The following PCDHGA5 variants were observed in gnomAD, a reference collection of about 807,000 sequenced individuals.
The protein encoded by PCDHGA5 is protocadherin gamma subfamily A, 5, also known as protocadherin gamma-A5.
Under a neutral mutation model 56.7 loss-of-function variants are expected in PCDHGA5, and 36 were observed. That is an observed-to-expected ratio of 0.64 (90% confidence interval 0.49 to 0.84). The LOEUF (loss-of-function observed/expected upper bound fraction) is 0.84. Among genes scored for constraint, PCDHGA5 ranks in the 40% least tolerant of loss-of-function variants. The pLI is 0.00. For synonymous variants in PCDHGA5, 563 were observed against 520.2 expected (o/e 1.08, Z -1.12); for missense variants, 1,305 against 1,201.5 (o/e 1.09, Z -1.27).
rs772000812 is a variant in PCDHGA5, at chr5:141,478,304, C to T, written c.2422-16503C>T. The T allele has an allele frequency of 8.1e-6, 13 of 1,614,108 alleles. No individual in the cohort carries two copies. In the Middle Eastern group the frequency reaches 1.2e-3, roughly 143 times the overall value. On this transcript the variant is annotated intron_variant, in intron 1 of 3. Coordinates refer to ENST00000518069, the MANE Select transcript of PCDHGA5 (RefSeq NM_018918.3). The stretch of plus-strand genomic sequence containing the variant: ...GCAGTCTAGAGACCTATACCGAGCC[C>T]CGGTGAGCTCACTGTACCGAACACC...
chr5:141,479,606 T>TA (rs1315315740), intron 1 of PCDHGA5: 1 of 152,184 alleles, frequency 6.6e-6, no homozygotes, highest in Non-Finnish European at 1.5e-5. Context: ...GCCTAGGCAA[T>TA]ATAGGGAAAC....
chr5:141,444,640 G>A (rs192148868), intron 1 of PCDHGA5, among the ~76,000 whole-genome samples: 3 of 152,196 alleles, frequency 2.0e-5, no homozygotes, highest in Non-Finnish European at 2.9e-5. Flanking sequence ...GTTCATTGAG[G>A]TAGGGGTTGA....
chr5:141,494,386 T>G (rs2099753905), intron 1 of PCDHGA5, among the ~76,000 whole-genome samples: 1 of 152,198 alleles, frequency 6.6e-6, no homozygotes, highest in African/African-American at 2.4e-5. Context: ...GCTGAGGAGT[T>G]GAATAAATTC....
Position 141,366,410 on chromosome 5 carries a change from G to C in PCDHGA5, c.2080G>C (p.Val694Leu). 6.2e-7 allele frequency: 1 copy of C among 1,614,204 alleles called. No homozygotes were observed. Among genetic ancestry groups the C allele is most frequent in the South Asian group, 1.1e-5 (1 of 91,086 alleles). ...GGATCTGGACCTCACACTCTATCTT[G>C]TGGTGGCAGTGGCTGCAGTCTCCTG... is the stretch of plus-strand genomic sequence containing the variant. ...PEDLDLTLYL[V>L]VAVAAVSCVF... is the part of the protein sequence containing the mutation. Residue 694 changes from valine (V) to leucine (L), a missense_variant, in exon 1 of 4, where the codon GTG (valine) becomes CTG (leucine). Physicochemically the swap from Val to Leu is conservative, Grantham distance 32. Coordinates refer to ENST00000518069, the MANE Select transcript of PCDHGA5 (RefSeq NM_018918.3).
At chr5:141,444,380 A>G (rs1475986922) in intron 1 of PCDHGA5, among the ~76,000 whole-genome samples, 1 of 151,876 alleles carries the variant, frequency 6.6e-6, no homozygotes, top group Non-Finnish European at 1.5e-5. Context: ...CATGTTGGTC[A>G]GGCTAGTCTT....
At chr5:141,426,116 G>A (rs1324245739) in intron 1 of PCDHGA5, among the ~76,000 whole-genome samples, 3 of 152,232 alleles carry the variant, frequency 2.0e-5, no homozygotes, top group African/African-American at 7.2e-5. Context: ...AAGCAAGTCG[G>A]AGAGTGGCCA....
At chr5:141,460,088 A>C (rs1225262213) in intron 1 of PCDHGA5, among the ~76,000 whole-genome samples, 2 of 151,990 alleles carry the variant, frequency 1.3e-5, no homozygotes, top group Non-Finnish European at 2.9e-5. Flanking sequence ...AAAAATAATA[A>C]TTATACATGT....
At chr5:141,388,216 A>G (rs1391427454) in intron 1 of PCDHGA5, 1 of 1,598,862 alleles carries the variant, frequency 6.3e-7, no homozygotes, top group African/African-American at 1.4e-5. Flanking sequence ...GCTGTTGCTG[A>G]AAATCCACTG....
At chr5:141,404,446 G>A (rs1211285523) in intron 1 of PCDHGA5, 2 of 1,612,974 alleles carry the variant, frequency 1.2e-6, no homozygotes, top group East Asian at 2.2e-5. Context: ...CCATCCAAGG[G>A]TCTCCTCTCT....
chr5:141,474,371 G>A (rs909237592), intron 1 of PCDHGA5, among the ~76,000 whole-genome samples: 1 of 152,180 alleles, frequency 6.6e-6, no homozygotes, highest in African/African-American at 2.4e-5. Flanking sequence ...TAGGTCTAGA[G>A]GAGGGCATTT....
intron 1 of PCDHGA5, among the ~76,000 whole-genome samples, chr5:141,443,772 C>T (rs1284723564): frequency 6.6e-6 from 1 of 151,568 alleles, no homozygotes; most frequent in Non-Finnish European, 1.5e-5. Context: ...TACAATATTA[C>T]CAAAAAGACA....
intron 1 of PCDHGA5, chr5:141,383,938 G>T (rs764534858): frequency 5.0e-6 from 8 of 1,613,866 alleles, no homozygotes; most frequent in Non-Finnish European, 5.9e-6. Context: ...TGCTCCAGAA[G>T]TGACTATGAC....
chr5:141,399,448 G>A (rs1272959259), intron 1 of PCDHGA5: 5 of 1,613,872 alleles, frequency 3.1e-6, no homozygotes, highest in Non-Finnish European at 4.2e-6. Flanking sequence ...TATCAGAGAC[G>A]TCAACGATAA....
rs370704205 is a variant in PCDHGA5, at chr5:141,422,166, T to C, written c.2421+55415T>C. 4.5e-6 allele frequency: 7 copies of C among 1,569,374 alleles called. No individual in the cohort carries two copies. In the South Asian group the frequency reaches 8.5e-5, roughly 19 times the overall value. ...GGGGGTCTCTGGATTTTGAAAAATA[T>C]AGATTCTATGAGATGGAAATTCAAG... On this transcript the variant is annotated intron_variant, in intron 1 of 3. Coordinates refer to ENST00000518069, the MANE Select transcript of PCDHGA5 (RefSeq NM_018918.3).
intron 1 of PCDHGA5, chr5:141,416,205 A>T (rs1239154825): frequency 1.3e-5 from 2 of 152,458 alleles, no homozygotes; most frequent in Non-Finnish European, 2.9e-5. Context: ...CAATTTATTT[A>T]TAACAATGTA....
intron 1 of PCDHGA5, among the ~76,000 whole-genome samples, chr5:141,454,750 T>C (rs992030704): frequency 1.3e-5 from 2 of 150,108 alleles, no homozygotes; most frequent in Admixed American, 6.7e-5. Flanking sequence ...GAGGCCAAAC[T>C]AATCTTGACA....
chr5:141,416,478 C>T (rs1186938693), intron 1 of PCDHGA5: 4 of 151,994 alleles, frequency 2.6e-5, no homozygotes, highest in Non-Finnish European at 4.4e-5. Context: ...TACATGTTCC[C>T]GAGAACAGGA....
At chr5:141,371,175 G>C (rs753971437) in intron 1 of PCDHGA5, 2 of 1,613,886 alleles carry the variant, frequency 1.2e-6, no homozygotes, top group African/African-American at 2.7e-5. Context: ...TGGCTCCTCC[G>C]TATTAAAAGT....
At position 141,494,693 on chromosome 5, in the gene PCDHGA5, G is replaced by A. The variant is rs2099756182; in HGVS notation, c.2422-114G>A. The A allele has an allele frequency of 5.0e-6, 8 of 1,585,786 alleles. No individual in the cohort carries two copies. In the South Asian group the frequency reaches 6.8e-5, roughly 13 times the overall value. ...GTCCACCCCTGCCCCCTCTTAGTCC[G>A]TTTTCTTCTCTGTGCCCACTCCCCT... is the stretch of plus-strand genomic sequence containing the variant. On this transcript the variant is annotated intron_variant, in intron 1 of 3. Transcript: ENST00000518069.
Sources: allele counts gnomAD v4.1 joint callset (sites outside exome capture counted in the v4.1 genomes callset), GRCh38; gene constraint gnomAD v4.1.1; transcripts MANE v1.5; gene names NCBI Gene and HGNC (gene_info 2026-07-23, HGNC 2026-07-21).